CALN1: variants seen among roughly 807,000 people sequenced by gnomAD.
CALN1 encodes calcium-binding protein 8.
CALN1 carries 17 observed loss-of-function variants against 30.6 expected under a neutral mutation model. The ratio of observed to expected loss-of-function variants is 0.56; its 90% CI spans 0.38 to 0.83. The LOEUF (loss-of-function observed/expected upper bound fraction) is 0.83, where lower values mean the gene tolerates loss of function less well. CALN1 is among the 40% of genes least tolerant of loss of function. CALN1 has a pLI of 0.00. For missense variants in CALN1, 291 were observed against 354.9 expected (o/e 0.82, Z 1.45); for synonymous variants, 156 against 131.4 (o/e 1.19, Z -1.28).
chr7:71,822,023 C>G (rs546268579), intron 5 of CALN1, among the ~76,000 whole-genome samples: 17 of 152,132 alleles, frequency 1.1e-4, no homozygotes, highest in African/African-American at 3.6e-4. Context: ...TCCGCCTCAG[C>G]CTCCCAAAGT....
chr7:72,239,599 G>C (rs1251500250), intron 3 of CALN1, among the ~76,000 whole-genome samples: 1 of 151,906 alleles, frequency 6.6e-6, no homozygotes, highest in Non-Finnish European at 1.5e-5. Flanking sequence ...AAATTATCTG[G>C]GTATAACTTT....
chr7:72,501,231 T>C, the CALN1 span, among the ~76,000 whole-genome samples: 1 of 150,994 alleles, frequency 6.6e-6, no homozygotes, highest in Non-Finnish European at 1.5e-5. Flanking sequence ...TAGCTAGACA[T>C]GTAAGAAAAC....
At chr7:72,211,742 A>T (rs1792412231) in intron 3 of CALN1, among the ~76,000 whole-genome samples, 1 of 152,148 alleles carries the variant, frequency 6.6e-6, no homozygotes, top group Non-Finnish European at 1.5e-5. Context: ...TGGCTTATTC[A>T]TCTAACTTGC....
chr7:71,819,023 A>T (rs1035300568), intron 5 of CALN1, among the ~76,000 whole-genome samples: 11 of 151,304 alleles, frequency 7.3e-5, no homozygotes, highest in Non-Finnish European at 1.2e-4. Flanking sequence ...GCTTATTTTT[A>T]AAAAATAGTT....
the CALN1 span, among the ~76,000 whole-genome samples, chr7:72,461,837 G>C: frequency 6.6e-6 from 1 of 152,026 alleles, no homozygotes; most frequent in Non-Finnish European, 1.5e-5. Context: ...GCAAAACCCC[G>C]TTTCTACTAA....
intron 3 of CALN1, among the ~76,000 whole-genome samples, chr7:72,229,272 A>G (rs1381044911): frequency 6.6e-6 from 1 of 152,006 alleles, no homozygotes; most frequent in African/African-American, 2.4e-5. Flanking sequence ...AGATGGGGGT[A>G]TTATCCTGTT....
chr7:72,032,710 C>T (rs1199852618), intron 4 of CALN1, among the ~76,000 whole-genome samples: 1 of 152,186 alleles, frequency 6.6e-6, no homozygotes, highest in Non-Finnish European at 1.5e-5. Context: ...AAAACAGATG[C>T]TCCTTAAATC....
In CALN1 at chr7:71,784,922, T is replaced by G. The variant is rs1241158508; in HGVS notation, c.*2853A>C. 1.0e-5 allele frequency: 4 copies of G among 398,538 alleles called. No individual in the cohort carries two copies. The highest frequency in any genetic ancestry group is 1.8e-5 in the Non-Finnish European group (4 of 226,076). The allele number at this position is 398,538 out of a possible 1,614,324, so 24.7% of individuals were successfully genotyped here. A position where few individuals can be genotyped will look rare whatever the true frequency, so the allele number is the denominator to read the frequency against. On this transcript the variant is annotated 3_prime_UTR_variant, in exon 7 of 7. Coordinates refer to ENST00000395275, the MANE Select transcript of CALN1 (RefSeq NM_031468.4). ...CTGGCATGGGGCCCTAGCATAAAATTTGTGTGAACAGGGCTGGGAGTTGGC... is the reference window on the plus strand; with the variant it reads ...CTGGCATGGGGCCCTAGCATAAAATGTGTGTGAACAGGGCTGGGAGTTGGC...
At chr7:72,471,667 C>G in the CALN1 span, among the ~76,000 whole-genome samples, 1 of 152,222 alleles carries the variant, frequency 6.6e-6, no homozygotes, top group Admixed American at 6.5e-5. Context: ...AGAGCTTATT[C>G]CTGAGCTTTA....
chr7:72,485,186 T>C, the CALN1 span, among the ~76,000 whole-genome samples: 1,259 of 152,260 alleles, frequency 8.3e-3, 16 homozygotes, highest in African/African-American at 0.028. Context: ...GCCCAGGAGA[T>C]TAAGGTTGCA....
At chr7:71,985,584 C>CTTTTTTTTTTTTTTTTTTT (rs962922789) in intron 5 of CALN1, among the ~76,000 whole-genome samples, 1 of 96,438 alleles carries the variant, frequency 1.0e-5, no homozygotes, top group East Asian at 3.8e-4. Flanking sequence ...AGGTAGTTTT[C>CTTTTTTTTTTTTTTTTTTT]TTTTTTTTTT....
chr7:71,916,024 T>C (rs1285129810), intron 5 of CALN1, among the ~76,000 whole-genome samples: 2 of 152,082 alleles, frequency 1.3e-5, no homozygotes, highest in Non-Finnish European at 2.9e-5. Flanking sequence ...CCCTGTCCTG[T>C]CCCTCCACTT....
intron 5 of CALN1, among the ~76,000 whole-genome samples, chr7:71,825,108 C>A (rs1261384704): frequency 1.3e-5 from 2 of 152,108 alleles, no homozygotes; most frequent in Admixed American, 1.3e-4. Context: ...ATAAGCAGAC[C>A]CCCTTCCTAA....
the CALN1 span, among the ~76,000 whole-genome samples, chr7:72,475,180 G>A: frequency 1.3e-5 from 2 of 152,144 alleles, no homozygotes; most frequent in Non-Finnish European, 2.9e-5. Flanking sequence ...AGAAAGTGAA[G>A]TGGCAGGGTG....
At position 72,207,197 on chromosome 7, in the gene CALN1, C is replaced by T. The variant is rs191490326; in HGVS notation, c.244+71489G>A. On this transcript the variant is annotated intron_variant, in intron 3 of 6. Coordinates refer to ENST00000395275, the MANE Select transcript of CALN1 (RefSeq NM_031468.4). The stretch of plus-strand genomic sequence containing the variant: ...CATTTACGCATCCTCCCACTCTCTC[C>T]CCGATTCACTAGGCTCCAACCACTC... 2.8e-3 allele frequency among the ~76,000 whole-genome samples: 431 copies of T among 152,254 alleles called. 2 individuals are homozygous for T. The highest frequency in any genetic ancestry group is 5.0e-3 in the Non-Finnish European group (342 of 68,016).
intron 5 of CALN1, among the ~76,000 whole-genome samples, chr7:71,887,895 A>T (rs965258430): frequency 6.6e-6 from 1 of 152,110 alleles, no homozygotes; most frequent in African/African-American, 2.4e-5. Context: ...AATGTGTTGC[A>T]ATAAATGATG....
intron 2 of CALN1, among the ~76,000 whole-genome samples, chr7:72,294,710 T>C (rs561768161): frequency 6.6e-6 from 1 of 151,506 alleles, no homozygotes; most frequent in East Asian, 1.9e-4. Context: ...ATGTTGCCAC[T>C]GCACTCCAGC....
chr7:71,926,144 T>C (rs574268744), intron 5 of CALN1, among the ~76,000 whole-genome samples: 7 of 152,190 alleles, frequency 4.6e-5, no homozygotes, highest in African/African-American at 1.7e-4. Context: ...CCCCACATGC[T>C]CGGGCTCCCT....
intron 5 of CALN1, among the ~76,000 whole-genome samples, chr7:71,829,982 T>C (rs1184857958): frequency 6.6e-6 from 1 of 152,008 alleles, no homozygotes; most frequent in Non-Finnish European, 1.5e-5. Context: ...TCTGTCTGTC[T>C]GTCTCTCTCT....
Sources: gnomAD v4.1 joint callset for allele counts (sites outside exome capture counted in the v4.1 genomes callset) on GRCh38, gnomAD v4.1.1 for gene constraint, MANE v1.5 for transcripts, NCBI Gene and HGNC (gene_info 2026-07-23, HGNC 2026-07-21) for gene names.